The following TNPO2 variants were observed in gnomAD, a reference collection of about 807,000 sequenced individuals.
TNPO2 encodes the protein transportin 2, also known as transportin-2.
In TNPO2, 16 loss-of-function variants were observed where a neutral mutation model predicts 111.1. That is an observed-to-expected ratio of 0.14 (90% CI 0.10 to 0.22). The LOEUF (loss-of-function observed/expected upper bound fraction) is 0.22, where lower values mean the gene tolerates loss of function less well. Among genes scored for constraint, TNPO2 ranks in the 10% least tolerant of loss-of-function variants. The probability of loss-of-function intolerance (pLI) is 1.00; values close to 1 mark genes in which losing one functional copy is unlikely to be tolerated. For missense variants in TNPO2, 530 were observed against 1,173.7 expected, an observed-to-expected ratio of 0.45 and a Z score of 8.01; for synonymous variants, 481 against 475.8, an observed-to-expected ratio of 1.01 and a Z score of -0.14.
At chr19:12,712,297 G>C (rs1447268608) in intron 10 of TNPO2, among the ~76,000 whole-genome samples, 1 of 152,214 alleles carries the variant, frequency 6.6e-6, no homozygotes, top group African/African-American at 2.4e-5. Flanking sequence ...AAGGTGTCAA[G>C]GAACAACACC....
rs1236249049 is a variant in TNPO2 at position 12,723,752 on chromosome 19, C to T, written c.-131+17G>A. The T allele has an allele frequency of 6.6e-6, 1 of 152,214 alleles. No homozygotes were observed. Among genetic ancestry groups the T allele is most frequent in the Non-Finnish European group, 1.5e-5 (1 of 68,046 alleles). The allele number at this position is 152,214 out of a possible 1,614,324, so 9.4% of individuals were successfully genotyped here. A position where few individuals can be genotyped will look rare whatever the true frequency, so the allele number is the denominator to read the frequency against. On this transcript the variant is annotated intron_variant, in intron 1 of 25. Coordinates refer to ENST00000425528, the MANE Select transcript of TNPO2 (RefSeq NM_001382241.1). ...TTTGCCCCTGCCTGAAGGAGGGGAA[C>T]AGCTATCTCAACCCACTTGCCGTAG... is the stretch of plus-strand genomic sequence containing the variant.
At chr19:12,714,765 G>C (rs1471316142) in intron 10 of TNPO2, 56 bp downstream of exon 10, 2 of 1,385,712 alleles carry the variant, frequency 1.4e-6, no homozygotes, top group East Asian at 4.6e-5. Flanking sequence ...AGGGAAGGCA[G>C]AGGCATAGCA....
Position 12,702,355 on chromosome 19 carries a change from A to G in TNPO2, c.2306-178T>C. On this transcript the variant is annotated intron_variant, in intron 21 of 25. Transcript: ENST00000425528. The surrounding 1 kb of genome is among the most constrained non-coding windows in gnomAD (Gnocchi z 5.5). ...TCACTTCCCAGGTCTCTCTGCATCTATCTTTCTTTCTTTCCTTTCCCTTTC... is the reference window on the plus strand; with the variant it reads ...TCACTTCCCAGGTCTCTCTGCATCTGTCTTTCTTTCTTTCCTTTCCCTTTC... 2 of 691,240 alleles carry G rather than the reference A, an allele frequency of 2.9e-6. No homozygotes were observed. Among genetic ancestry groups the G allele is most frequent in the South Asian group, 3.1e-5 (2 of 65,464 alleles). The allele number at this position is 691,240 out of a possible 1,614,324, so 42.8% of individuals were successfully genotyped here. A position where few individuals can be genotyped will look rare whatever the true frequency, so the allele number is the denominator to read the frequency against.
chr19:12,711,648 G>A, intron 10 of TNPO2, 35 bp from the exon 11 acceptor site: 3 of 1,601,118 alleles, frequency 1.9e-6, no homozygotes, highest in Non-Finnish European at 2.6e-6. Context: ...GGGATGCAGG[G>A]GCCGTGGCAA....
chr19:12,711,857 C>G (rs1434764776), intron 10 of TNPO2, among the ~76,000 whole-genome samples: 1 of 149,810 alleles, frequency 6.7e-6, no homozygotes, highest in African/African-American at 2.5e-5. Context: ...CTCCTGCCTC[C>G]AGAGAAAGGT....
Position 12,711,297 on chromosome 19 carries a change from C to T in TNPO2, c.1116G>A (p.Leu372=), listed in dbSNP as rs2026028839. 1 of 1,612,886 alleles carries T rather than the reference C, an allele frequency of 6.2e-7. No homozygotes were observed. Among genetic ancestry groups the T allele is most frequent in the African/African-American group, 1.3e-5 (1 of 74,934 alleles). ...DDDDALSDWN[L]RKCSAAALDV... is the part of the protein sequence containing the mutation. ...CCACCCCCAGGCAGGGGCACACACT[C>T]AAATTCCAGTCGGACAGAGCATCAT... Residue 372 remains leucine (L), a splice_region_variant and synonymous_variant, in exon 12 of 26, where the codon TTG becomes TTA. Transcript: ENST00000425528.
At position 12,720,894 on chromosome 19, in the gene TNPO2, C is replaced by G; in HGVS notation, c.84G>C (p.Gln28His). The part of the protein sequence containing the change: ...KDSQSPNTAT[Q>H]RIVQDKLKQL... ...GGAAGGATACATCCTGCACGATGCG[C>G]TGAGTGGCTGTGTTGGGCGACTGTG... Residue 28 changes from glutamine to histidine, a missense_variant, in exon 3 of 26, where the codon CAG (glutamine) becomes CAC (histidine). By Grantham distance (24) the Gln-to-His change is conservative. Coordinates refer to ENST00000425528, the MANE Select transcript of TNPO2 (RefSeq NM_001382241.1). The G allele has an allele frequency of 6.2e-7, 1 of 1,603,860 alleles. No individual in the cohort carries two copies. The highest frequency in any genetic ancestry group is 1.7e-4 in the Middle Eastern group (1 of 6,052).
At chr19:12,720,658 G>A (rs917713616) in intron 3 of TNPO2, among the ~76,000 whole-genome samples, 1 of 152,120 alleles carries the variant, frequency 6.6e-6, no homozygotes, top group Non-Finnish European at 1.5e-5. Context: ...AGATGCTAGC[G>A]TTCGATGAAC....
intron 5 of TNPO2, among the ~76,000 whole-genome samples, chr19:12,717,139 G>A (rs1345136675): frequency 6.6e-6 from 1 of 151,908 alleles, no homozygotes; most frequent in Non-Finnish European, 1.5e-5. Flanking sequence ...CAATGGGTAG[G>A]TACACAGTGA....
Position 12,702,681 on chromosome 19 carries a change from T to A in TNPO2, c.2305+142A>T. The A allele has an allele frequency of 1.4e-6, 1 of 738,498 alleles. No individual in the cohort carries two copies. The highest frequency in any genetic ancestry group is 2.5e-5 in the East Asian group (1 of 40,098). The allele number at this position is 738,498 out of a possible 1,614,324, so 45.7% of individuals were successfully genotyped here. A position where few individuals can be genotyped will look rare whatever the true frequency, so the allele number is the denominator to read the frequency against. ...CCTGAGGCTGCATCTTTCTTGGGGCTTCTCCCAGTGACCCCTTCCAGGTAC... is the reference window on the plus strand; with the variant it reads ...CCTGAGGCTGCATCTTTCTTGGGGCATCTCCCAGTGACCCCTTCCAGGTAC... On this transcript the variant is annotated intron_variant, in intron 21 of 25. Transcript: ENST00000425528. The surrounding 1 kb of genome is among the most constrained non-coding windows in gnomAD (Gnocchi z 5.5).
Position 12,705,209 on chromosome 19 carries a change from G to A in TNPO2, c.2022+31C>T. 6.3e-7 allele frequency: 1 copy of A among 1,585,078 alleles called. No individual in the cohort carries two copies. The highest frequency in any genetic ancestry group is 2.1e-4 in the Middle Eastern group (1 of 4,672). ...CAGGGGCAGCCCACGCAGGCTGCTG[G>A]GTGTCATCACTGTCCAGGGTCCCCA... On this transcript the variant is annotated intron_variant, in intron 18 of 25. Transcript: ENST00000425528. This position sits in a 1 kb window ranked among gnomAD's most constrained non-coding sequence, Gnocchi z 7.2.
intron 13 of TNPO2, among the ~76,000 whole-genome samples, chr19:12,708,877 A>G (rs576837450): frequency 6.6e-6 from 1 of 151,990 alleles, no homozygotes; most frequent in South Asian, 2.1e-4. Context: ...GTCTCAAAAA[A>G]AAAGAAATTA....
chr19:12,713,611 C>A (rs2026192277), intron 10 of TNPO2, among the ~76,000 whole-genome samples: 1 of 152,134 alleles, frequency 6.6e-6, no homozygotes, highest in Non-Finnish European at 1.5e-5. Flanking sequence ...GAAGCTGAGG[C>A]AAGAGAATCG....
In TNPO2 at chr19:12,721,569, CCT is replaced by C. The variant is rs1966951011; in HGVS notation, c.-13-581_-13-580del. 1 of 287,812 alleles carries C rather than the reference CCT, an allele frequency of 3.5e-6. No individual in the cohort carries two copies. The highest frequency in any genetic ancestry group is 5.4e-5 in the Admixed American group (1 of 18,484). 17.8% of individuals were successfully genotyped at this position (287,812 alleles called of 1,614,324 possible). A position where few individuals can be genotyped will look rare whatever the true frequency, so the allele number is the denominator to read the frequency against. The stretch of plus-strand genomic sequence containing the variant: ...ACGATCGTCCTGATCTCTCCTGTCC[CCT>C]GTTCCTGCCCTTCAAGCTCAGTGGA... On this transcript the variant is annotated intron_variant, in intron 2 of 25. Transcript: ENST00000425528. This position sits in a 1 kb window ranked among gnomAD's most constrained non-coding sequence, Gnocchi z 4.9.
At position 12,702,198 on chromosome 19, in the gene TNPO2, G is replaced by T; in HGVS notation, c.2306-21C>A. ...GCGACCTGCAACCCCGAGCGGCCCC[G>T]GGACGGTACGTGGCGGGGCCTCTGG... On this transcript the variant is annotated intron_variant, in intron 21 of 25. Transcript: ENST00000425528. The surrounding 1 kb of genome is among the most constrained non-coding windows in gnomAD (Gnocchi z 5.5). The T allele has an allele frequency of 1.2e-6, 2 of 1,605,018 alleles. No homozygotes were observed. Among genetic ancestry groups the T allele is most frequent in the Non-Finnish European group, 1.7e-6 (2 of 1,174,680 alleles).
rs1331293219 is a variant in TNPO2 at position 12,705,179 on chromosome 19, C to T, written c.2022+61G>A. The T allele has an allele frequency of 3.3e-6, 5 of 1,530,284 alleles. No individual in the cohort carries two copies. The highest frequency in any genetic ancestry group is 3.5e-6 in the Non-Finnish European group (4 of 1,128,222). 94.8% of individuals were successfully genotyped at this position (1,530,284 alleles called of 1,614,324 possible). ...TTTGGGCACAACCAGGCCCTGACTCCCCACCAGGGGCAGCCCACGCAGGCT... is the reference window on the plus strand; with the variant it reads ...TTTGGGCACAACCAGGCCCTGACTCTCCACCAGGGGCAGCCCACGCAGGCT... On this transcript the variant is annotated intron_variant, in intron 18 of 25. Coordinates refer to ENST00000425528, the MANE Select transcript of TNPO2 (RefSeq NM_001382241.1). This position sits in a 1 kb window ranked among gnomAD's most constrained non-coding sequence, Gnocchi z 7.2.
At position 12,705,646 on chromosome 19, in the gene TNPO2, G is replaced by T; in HGVS notation, c.1755+36C>A. 6.4e-7 allele frequency: 1 copy of T among 1,568,874 alleles called. No homozygotes were observed. Among genetic ancestry groups the T allele is most frequent in the African/African-American group, 1.3e-5 (1 of 74,104 alleles). Reference sequence around the variant, plus strand: ...GGGGAGAACTCAGGCAGGGTGGGCAGGATGGGTTTCGGGTGAGGGGCAGGA... The same window carrying T: ...GGGGAGAACTCAGGCAGGGTGGGCATGATGGGTTTCGGGTGAGGGGCAGGA... On this transcript the variant is annotated intron_variant, in intron 16 of 25. Transcript: ENST00000425528. This position sits in a 1 kb window ranked among gnomAD's most constrained non-coding sequence, Gnocchi z 7.2.
At position 12,714,830 on chromosome 19, in the gene TNPO2, T is replaced by C; in HGVS notation, c.881A>G (p.His294Arg). 1 of 1,613,692 alleles carries C rather than the reference T, an allele frequency of 6.2e-7. No individual in the cohort carries two copies. The highest frequency in any genetic ancestry group is 8.5e-7 in the Non-Finnish European group (1 of 1,179,662). The part of the protein sequence containing the change: ...QPICKEVLAS[H>R]LVQLIPILVN... ...CAGCAGCAGCACTCACTGGACCAGA[T>C]GGGAGGCCAGGACTTCCTTGCAGAT... is the stretch of plus-strand genomic sequence containing the variant. The change falls in exon 10 of 26, where the codon CAT becomes CGT. Residue 294 changes from histidine (H) to arginine (R), a missense_variant. By Grantham distance (29) the His-to-Arg change is conservative. This residue lies in a region of TNPO2 where 156 missense variants were observed against 405.8 expected (regional missense o/e 0.38). Transcript: ENST00000425528.
In TNPO2 at chr19:12,714,818, C is replaced by T; in HGVS notation, c.890+3G>A. 6 of 1,613,276 alleles carry T rather than the reference C, an allele frequency of 3.7e-6. No individual in the cohort carries two copies. Among genetic ancestry groups the T allele is most frequent in the Non-Finnish European group, 4.2e-6 (5 of 1,179,264 alleles). The stretch of plus-strand genomic sequence containing the variant: ...TAGGACAGTGGGCAGCAGCAGCACT[C>T]ACTGGACCAGATGGGAGGCCAGGAC... On this transcript the variant is annotated splice_donor_region_variant and intron_variant, in intron 10 of 25. Transcript: ENST00000425528.
Sources: allele counts gnomAD v4.1 joint callset (sites outside exome capture counted in the v4.1 genomes callset), GRCh38; gene constraint gnomAD v4.1.1; regional missense constraint gnomAD v4.1.1; non-coding constraint Gnocchi (gnomAD v3.1); transcripts MANE v1.5; gene names NCBI Gene and HGNC (gene_info 2026-07-23, HGNC 2026-07-21).